ANGPTL2: variants seen among roughly 807,000 people sequenced by gnomAD.
ANGPTL2 encodes angiopoietin-related protein 2.
A neutral mutation model predicts 52.8 loss-of-function variants in ANGPTL2; 25 were observed. That is an observed-to-expected ratio of 0.47 (90% CI 0.35 to 0.66). The LOEUF (loss-of-function observed/expected upper bound fraction) is 0.66. Among genes scored for constraint, ANGPTL2 ranks in the 30% least tolerant of loss-of-function variants. The probability of loss-of-function intolerance (pLI) is 0.01; values close to 1 mark genes in which losing one functional copy is unlikely to be tolerated. For missense variants in ANGPTL2, 546 were observed against 656.9 expected (o/e 0.83, Z 1.84); for synonymous variants, 276 against 277.4 (o/e 1.00, Z 0.05).
At chr9:127,119,709 G>T (rs139924549) in intron 1 of ANGPTL2, among the ~76,000 whole-genome samples, 3 of 152,228 alleles carry the variant, frequency 2.0e-5, no homozygotes, top group African/African-American at 7.2e-5. Context: ...TGCTCTGCCC[G>T]TGAGCTTCAG....
intron 2 of ANGPTL2, among the ~76,000 whole-genome samples, chr9:127,106,685 G>A (rs566088993): frequency 1.3e-5 from 2 of 152,190 alleles, no homozygotes; most frequent in Non-Finnish European, 2.9e-5. Context: ...AGGTGCTGCA[G>A]TGGATGCTCA....
intron 1 of ANGPTL2, among the ~76,000 whole-genome samples, chr9:127,114,120 C>A (rs926222215): frequency 1.3e-5 from 2 of 152,220 alleles, no homozygotes; most frequent in African/African-American, 4.8e-5. Flanking sequence ...CAACAGCCCT[C>A]GGAAGGCGGC....
intron 1 of ANGPTL2, among the ~76,000 whole-genome samples, chr9:127,121,021 C>T (rs556693377): frequency 4.2e-4 from 63 of 151,024 alleles, no homozygotes; most frequent in African/African-American, 1.5e-3. Context: ...TGAGTGGCTC[C>T]GGAGCCACAC....
Position 127,108,735 on chromosome 9 carries a change from C to T in ANGPTL2, c.-4G>A, listed in dbSNP as rs2054512218. The T allele has an allele frequency of 4.4e-6, 7 of 1,595,352 alleles. No individual in the cohort carries two copies. The highest frequency in any genetic ancestry group is 6.0e-6 in the Non-Finnish European group (7 of 1,167,948). Reference sequence around the variant, plus strand: ...ATGTCACGCACAGTGGCCTCATGGTCCTTGCAAAATGGTGGTTATTCTTTG... The same window carrying T: ...ATGTCACGCACAGTGGCCTCATGGTTCTTGCAAAATGGTGGTTATTCTTTG... On this transcript the variant is annotated 5_prime_UTR_variant, in exon 2 of 5. Coordinates refer to ENST00000373425, the MANE Select transcript of ANGPTL2 (RefSeq NM_012098.3).
intron 1 of ANGPTL2, among the ~76,000 whole-genome samples, chr9:127,114,121 G>T (rs749003434): frequency 6.6e-6 from 1 of 152,160 alleles, no homozygotes; most frequent in Non-Finnish European, 1.5e-5. Context: ...AACAGCCCTC[G>T]GAAGGCGGCC....
chr9:127,106,231 A>G (rs924670173), intron 2 of ANGPTL2, among the ~76,000 whole-genome samples: 5 of 148,866 alleles, frequency 3.4e-5, no homozygotes, highest in African/African-American at 4.9e-5. Context: ...ACAACATTCA[A>G]CTGAGCCTTT....
At position 127,089,044 on chromosome 9, in the gene ANGPTL2, C is replaced by G. The variant is rs779674362; in HGVS notation, c.1377G>C (p.Arg459=). Residue 459 remains arginine, a synonymous_variant, in exon 5 of 5, where the codon CGG becomes CGC. Transcript: ENST00000373425. Reference sequence around the variant, plus strand: ...AGTAGACTCCGTCCTGGTAGCGGCTCCGGTAATGGCCCCCGCGGTACCAGA... The same window carrying G: ...AGTAGACTCCGTCCTGGTAGCGGCTGCGGTAATGGCCCCCGCGGTACCAGA... ...NGVWYRGGHY[R]SRYQDGVYWA... is the part of the protein sequence containing the mutation. 4 of 1,614,208 alleles carry G rather than the reference C, an allele frequency of 2.5e-6. No individual in the cohort carries two copies. Among genetic ancestry groups the G allele is most frequent in the Non-Finnish European group, 2.5e-6 (3 of 1,180,030 alleles).
intron 1 of ANGPTL2, 59 bp from the exon 2 acceptor site, chr9:127,108,839 C>A (rs1370364409): frequency 2.5e-6 from 3 of 1,216,856 alleles, no homozygotes; most frequent in Non-Finnish European, 3.4e-6. Flanking sequence ...TGCCCTGTGC[C>A]ATCAGTGATC....
chr9:127,096,423 G>A (rs2053149447), intron 2 of ANGPTL2, among the ~76,000 whole-genome samples: 1 of 152,212 alleles, frequency 6.6e-6, no homozygotes, highest in Non-Finnish European at 1.5e-5. Context: ...CCCACTGAGA[G>A]CGAGCAGCCC....
At chr9:127,112,050 C>T (rs566682255) in intron 1 of ANGPTL2, among the ~76,000 whole-genome samples, 1 of 152,342 alleles carries the variant, frequency 6.6e-6, no homozygotes, top group African/African-American at 2.4e-5. Flanking sequence ...TTGGACCAGC[C>T]AGTGAGCAGT....
rs374830288 is a variant in ANGPTL2, at chr9:127,089,143, A to G, written c.1283-5T>C. The G allele has an allele frequency of 6.2e-7, 1 of 1,614,104 alleles. No individual in the cohort carries two copies. The highest frequency in any genetic ancestry group is 8.5e-7 in the Non-Finnish European group (1 of 1,179,998). The stretch of plus-strand genomic sequence containing the variant: ...TCTGGTAGTGGGCACAGTTTCCTGC[A>G]AGAGAGAAGGCAGTGAGAGGGTGTC... On this transcript the variant is annotated splice_polypyrimidine_tract_variant and splice_region_variant and intron_variant, in intron 4 of 4. Transcript: ENST00000373425.
chr9:127,100,773 C>A (rs1039433887), intron 2 of ANGPTL2, among the ~76,000 whole-genome samples: 1 of 152,220 alleles, frequency 6.6e-6, no homozygotes, highest in South Asian at 2.1e-4. Context: ...AGGTAGCAGT[C>A]CCATAGTTGG....
At chr9:127,110,116 A>G (rs1400341791) in intron 1 of ANGPTL2, among the ~76,000 whole-genome samples, 1 of 152,084 alleles carries the variant, frequency 6.6e-6, no homozygotes, top group Non-Finnish European at 1.5e-5. Flanking sequence ...AAAGCCTCCA[A>G]AGAGATGCCT....
At chr9:127,118,271 A>G (rs1288207122) in intron 1 of ANGPTL2, among the ~76,000 whole-genome samples, 1 of 152,120 alleles carries the variant, frequency 6.6e-6, no homozygotes, top group Non-Finnish European at 1.5e-5. Flanking sequence ...ACTGTTATGA[A>G]CTCAGTCATA....
intron 2 of ANGPTL2, among the ~76,000 whole-genome samples, chr9:127,101,233 G>A (rs537315844): frequency 3.2e-4 from 48 of 152,334 alleles, no homozygotes; most frequent in African/African-American, 8.7e-4. Context: ...TTTGCACACC[G>A]TTTCATTTCA....
At chr9:127,097,646 C>G (rs564900042) in intron 2 of ANGPTL2, among the ~76,000 whole-genome samples, 1 of 152,316 alleles carries the variant, frequency 6.6e-6, no homozygotes, top group South Asian at 2.1e-4. Context: ...ATAGCAGAGA[C>G]AAAACATCCT....
intron 1 of ANGPTL2, among the ~76,000 whole-genome samples, chr9:127,114,124 A>AGGCGGCCTGTTATTTGAG (rs2055150289): frequency 6.6e-6 from 1 of 152,232 alleles, no homozygotes; most frequent in Non-Finnish European, 1.5e-5. Context: ...AGCCCTCGGA[A>AGGCGGCCTGTTATTTGAG]GGCGGCCTGT....
At chr9:127,096,993 G>A (rs1356722015) in intron 2 of ANGPTL2, among the ~76,000 whole-genome samples, 1 of 152,164 alleles carries the variant, frequency 6.6e-6, no homozygotes, top group Non-Finnish European at 1.5e-5. Flanking sequence ...CACCCAGGGG[G>A]TGTGCAGAGC....
chr9:127,108,731 TG>T lies in ANGPTL2; in HGVS notation c.-1del. ...CAGCATGTCACGCACAGTGGCCTCA[TG>T]GTCCTTGCAAAATGGTGGTTATTCT... is the stretch of plus-strand genomic sequence containing the variant. On this transcript the variant is annotated 5_prime_UTR_variant, in exon 2 of 5. Coordinates refer to ENST00000373425, the MANE Select transcript of ANGPTL2 (RefSeq NM_012098.3). 1 of 1,597,688 alleles carries T rather than the reference TG, an allele frequency of 6.3e-7. No homozygotes were observed.
Sources: allele counts gnomAD v4.1 joint callset (sites outside exome capture counted in the v4.1 genomes callset), GRCh38; gene constraint gnomAD v4.1.1; transcripts MANE v1.5; gene names NCBI Gene and HGNC (gene_info 2026-07-23, HGNC 2026-07-21).